Variants in ZNF264 observed in about 807,000 individuals in gnomAD.
The protein encoded by ZNF264 is zinc finger protein 264.
A neutral mutation model predicts 11.2 loss-of-function variants in ZNF264; 11 were observed. That is an observed-to-expected ratio of 0.98 (90% CI 0.62 to 1.63). The LOEUF (loss-of-function observed/expected upper bound fraction) is 1.63, where lower values mean the gene tolerates loss of function less well. ZNF264 is among the 40% of genes most tolerant of loss of function. The pLI is 0.00. For synonymous variants in ZNF264, 309 were observed against 279.8 expected, an observed-to-expected ratio of 1.10 and a Z score of -1.04; for missense variants, 752 against 768.1, an observed-to-expected ratio of 0.98 and a Z score of 0.25.
At position 57,212,379 on chromosome 19, in the gene ZNF264, G is replaced by A. The variant is rs374825848; in HGVS notation, c.1282G>A (p.Val428Met). The A allele has an allele frequency of 2.5e-5, 40 of 1,613,336 alleles. No homozygotes were observed. The highest frequency in any genetic ancestry group is 3.3e-5 in the Admixed American group (2 of 59,950). ...QRIHTGEKPF[V>M]CSECGKAFTH... is the part of the protein sequence containing the mutation. ...GATTCACACTGGGGAGAAGCCCTTC[G>A]TGTGCAGTGAATGTGGAAAGGCCTT... Residue 428 changes from valine (V) to methionine (M), a missense_variant, in exon 4 of 4, where the codon GTG becomes ATG. By Grantham distance (21) the Val-to-Met change is conservative. Transcript: ENST00000263095.
Position 57,215,356 on chromosome 19 carries a change from C to T in ZNF264, c.*2375C>T, listed in dbSNP as rs1408408973. The T allele has an allele frequency of 6.6e-6, 1 of 152,200 alleles. No homozygotes were observed. Among genetic ancestry groups the T allele is most frequent in the Non-Finnish European group, 1.5e-5 (1 of 68,034 alleles). The allele number at this position is 152,200 out of a possible 1,614,324, so 9.4% of individuals were successfully genotyped here. A position where few individuals can be genotyped will look rare whatever the true frequency, so the allele number is the denominator to read the frequency against. ...TCCCTTATTCTTTTGATAGCAGGAT[C>T]TGCACTTCTTTTTATTTTTAATATT... On this transcript the variant is annotated 3_prime_UTR_variant, in exon 4 of 4. Coordinates refer to ENST00000263095, the MANE Select transcript of ZNF264 (RefSeq NM_003417.5).
rs984765033 is a variant in ZNF264 at position 57,214,052 on chromosome 19, TATA to T, written c.*1075_*1077del. On this transcript the variant is annotated 3_prime_UTR_variant, in exon 4 of 4. Transcript: ENST00000263095. ...CACAATTTTTGGTAGTATACAGAAATATAATATTTTTGGACATTGTTTTGCTAC... is the reference window on the plus strand; with the variant it reads ...CACAATTTTTGGTAGTATACAGAAATATATTTTTGGACATTGTTTTGCTAC... The T allele has an allele frequency of 6.7e-4, 102 of 152,322 alleles. No homozygotes were observed. Among genetic ancestry groups the T allele is most frequent in the Admixed American group, 2.0e-3 (31 of 15,304 alleles). 9.4% of individuals were successfully genotyped at this position (152,322 alleles called of 1,614,324 possible).
rs1301640990 is a variant in ZNF264, at chr19:57,218,666, A to G, written c.*5685A>G. Reference sequence around the variant, plus strand: ...AGGCTCTCATCTTTTTTCTTTTTCCAGTCTATTTTCTGTCTTGTTAATATT... The same window carrying G: ...AGGCTCTCATCTTTTTTCTTTTTCCGGTCTATTTTCTGTCTTGTTAATATT... On this transcript the variant is annotated 3_prime_UTR_variant, in exon 4 of 4. Transcript: ENST00000263095. The G allele has an allele frequency of 6.6e-6, 1 of 151,510 alleles. No homozygotes were observed. The highest frequency in any genetic ancestry group is 2.4e-5 in the African/African-American group (1 of 41,186). The allele number at this position is 151,510 out of a possible 1,614,324, so 9.4% of individuals were successfully genotyped here.
intron 2 of ZNF264, among the ~76,000 whole-genome samples, chr19:57,195,473 C>T (rs2122734666): frequency 2.6e-5 from 4 of 152,328 alleles, no homozygotes; most frequent in Middle Eastern, 6.8e-3. Context: ...TTCACTTTGC[C>T]TTCAGCAAGC....
Position 57,221,296 on chromosome 19 carries a change from G to T in ZNF264, c.*8315G>T, listed in dbSNP as rs1353475620. On this transcript the variant is annotated 3_prime_UTR_variant, in exon 4 of 4. Coordinates refer to ENST00000263095, the MANE Select transcript of ZNF264 (RefSeq NM_003417.5). ...CACCTCCTGACTTCATGATCCACCCGCCTCGGCCTCCCAAAGTGCTGGGAT... is the reference window on the plus strand; with the variant it reads ...CACCTCCTGACTTCATGATCCACCCTCCTCGGCCTCCCAAAGTGCTGGGAT... The T allele has an allele frequency of 6.6e-6, 1 of 152,162 alleles. No individual in the cohort carries two copies. Among genetic ancestry groups the T allele is most frequent in the Non-Finnish European group, 1.5e-5 (1 of 68,100 alleles). The allele number at this position is 152,162 out of a possible 1,614,324, so 9.4% of individuals were successfully genotyped here. A position where few individuals can be genotyped will look rare whatever the true frequency, so the allele number is the denominator to read the frequency against.
At position 57,212,044 on chromosome 19, in the gene ZNF264, T is replaced by G. The variant is rs372540705; in HGVS notation, c.947T>G (p.Val316Gly). ...AGACACACTGGAGAAAAATCCTTTGTGTGCACAGAATGTGGCCAAGTCTTT... is the reference window on the plus strand; with the variant it reads ...AGACACACTGGAGAAAAATCCTTTGGGTGCACAGAATGTGGCCAAGTCTTT... ...NRRHTGEKSF[V>G]CTECGQVFRH... Residue 316 changes from valine to glycine, a missense_variant, in exon 4 of 4, where the codon GTG becomes GGG. Physicochemically the swap from Val to Gly is moderately radical, Grantham distance 109. Transcript: ENST00000263095. The G allele has an allele frequency of 1.1e-5, 18 of 1,613,552 alleles. No individual in the cohort carries two copies. The highest frequency in any genetic ancestry group is 1.4e-5 in the Non-Finnish European group (17 of 1,179,904).
At chr19:57,200,284 C>G (rs950887855) in intron 2 of ZNF264, among the ~76,000 whole-genome samples, 2 of 151,694 alleles carry the variant, frequency 1.3e-5, no homozygotes, top group Non-Finnish European at 2.9e-5. Context: ...GTGGGAGAAC[C>G]CTGATGAAGC....
Position 57,221,744 on chromosome 19 carries a change from G to A in ZNF264, c.*8763G>A, listed in dbSNP as rs1001732144. On this transcript the variant is annotated 3_prime_UTR_variant, in exon 4 of 4. Coordinates refer to ENST00000263095, the MANE Select transcript of ZNF264 (RefSeq NM_003417.5). ...TCTGGACTTCCAGAAGGTTAGCAGG[G>A]GTTCAGCTTTTCAGCTGAAAACGTT... The A allele has an allele frequency of 6.6e-6, 1 of 152,090 alleles. No homozygotes were observed. Among genetic ancestry groups the A allele is most frequent in the Non-Finnish European group, 1.5e-5 (1 of 68,024 alleles). 9.4% of individuals were successfully genotyped at this position (152,090 alleles called of 1,614,324 possible).
chr19:57,210,710 A>G (rs1338428942), intron 3 of ZNF264, among the ~76,000 whole-genome samples: 2 of 152,318 alleles, frequency 1.3e-5, no homozygotes, highest in Middle Eastern at 3.4e-3. Context: ...CATTTAAATT[A>G]TGACATAAGC....
In ZNF264 at chr19:57,191,941, G is replaced by T. The variant is rs751293245; in HGVS notation, c.28G>T (p.Ala10Ser). Residue 10 changes from alanine (A) to serine (S), a missense_variant, in exon 1 of 4, where the codon GCC becomes TCC. Ala to Ser is a moderately conservative substitution (Grantham distance 99, BLOSUM62 1). Transcript: ENST00000263095. ...GGCGGCAGCGGTGCTGACGGACCGG[G>T]CCCAGGTGAGTGGACGGTGGCTTCG... is the stretch of plus-strand genomic sequence containing the variant. MAAAVLTDR[A>S]QVSVTFDDVA... is the part of the protein sequence containing the mutation. 1.3e-6 allele frequency: 2 copies of T among 1,539,032 alleles called. No individual in the cohort carries two copies. Among genetic ancestry groups the T allele is most frequent in the Non-Finnish European group, 1.8e-6 (2 of 1,141,308 alleles).
Position 57,191,800 on chromosome 19 carries a change from G to A in ZNF264, c.-114G>A. The stretch of plus-strand genomic sequence containing the variant: ...ACGCCGTTGCCACCGAGGAGGCGGC[G>A]GCCCCGAGCGCGCCTGGAAGCCCCG... On this transcript the variant is annotated 5_prime_UTR_variant, in exon 1 of 4. Coordinates refer to ENST00000263095, the MANE Select transcript of ZNF264 (RefSeq NM_003417.5). 1.8e-5 allele frequency: 14 copies of A among 791,262 alleles called. No homozygotes were observed. Among genetic ancestry groups the A allele is most frequent in the Non-Finnish European group, 2.4e-5 (14 of 582,982 alleles). 49.0% of individuals were successfully genotyped at this position (791,262 alleles called of 1,614,324 possible).
At chr19:57,200,212 A>G (rs1002493659) in intron 2 of ZNF264, among the ~76,000 whole-genome samples, 1 of 151,774 alleles carries the variant, frequency 6.6e-6, no homozygotes. Context: ...CCAGGTGTCT[A>G]CTGTTAAAGT....
intron 2 of ZNF264, among the ~76,000 whole-genome samples, chr19:57,199,551 A>T (rs2087236138): frequency 6.6e-6 from 1 of 151,914 alleles, no homozygotes; most frequent in Non-Finnish European, 1.5e-5. Context: ...AGGCTGCAAC[A>T]TTAAATGCAG....
chr19:57,197,381 C>G (rs1417986886), intron 2 of ZNF264, among the ~76,000 whole-genome samples: 1 of 151,870 alleles, frequency 6.6e-6, no homozygotes, highest in Non-Finnish European at 1.5e-5. Context: ...AGGCCAAGAG[C>G]TGTCTCTCAA....
chr19:57,203,375 A>G (rs1422782821), intron 2 of ZNF264, among the ~76,000 whole-genome samples: 2 of 152,106 alleles, frequency 1.3e-5, no homozygotes, highest in Non-Finnish European at 2.9e-5. Context: ...CCTAGAAATT[A>G]CCTGTCCCTG....
At chr19:57,203,492 G>T (rs189018568) in intron 2 of ZNF264, among the ~76,000 whole-genome samples, 2 of 152,214 alleles carry the variant, frequency 1.3e-5, no homozygotes, top group East Asian at 3.9e-4. Context: ...AAACTTACTC[G>T]GTTTAGAAGA....
intron 3 of ZNF264, 34 bp from the exon 4 acceptor site, chr19:57,211,320 T>C: frequency 1.1e-5 from 17 of 1,546,526 alleles, no homozygotes; most frequent in Non-Finnish European, 1.4e-5. Flanking sequence ...TGTCCTTTAC[T>C]AACAGGCCCT....
chr19:57,191,864 G>A lies in ZNF264; in HGVS notation c.-50G>A. Reference sequence around the variant, plus strand: ...GGTCGGGCACAGGTGGGGTCCGTCAGGCCGCCCGGGGCTCCTCTGTCCCAG... The same window carrying A: ...GGTCGGGCACAGGTGGGGTCCGTCAAGCCGCCCGGGGCTCCTCTGTCCCAG... On this transcript the variant is annotated 5_prime_UTR_variant, in exon 1 of 4. Coordinates refer to ENST00000263095, the MANE Select transcript of ZNF264 (RefSeq NM_003417.5). The A allele has an allele frequency of 1.6e-6, 2 of 1,289,616 alleles. No individual in the cohort carries two copies. The highest frequency in any genetic ancestry group is 2.0e-6 in the Non-Finnish European group (2 of 1,017,200). The allele number at this position is 1,289,616 out of a possible 1,614,324, so 79.9% of individuals were successfully genotyped here. A position where few individuals can be genotyped will look rare whatever the true frequency, so the allele number is the denominator to read the frequency against.
rs13345715 is a variant in ZNF264 at position 57,220,075 on chromosome 19, G to A, written c.*7094G>A. Reference sequence around the variant, plus strand: ...GCAGAGCAGAATATAGATAGGCTCAGGTTAAGAATTTGCCCAAGGTTACAC... The same window carrying A: ...GCAGAGCAGAATATAGATAGGCTCAAGTTAAGAATTTGCCCAAGGTTACAC... On this transcript the variant is annotated 3_prime_UTR_variant, in exon 4 of 4. Transcript: ENST00000263095. The A allele has an allele frequency of 0.25, 38,744 of 152,200 alleles. 5,165 individuals carry two copies. The highest frequency in any genetic ancestry group is 0.32 in the South Asian group (1,526 of 4,820). The allele number at this position is 152,200 out of a possible 1,614,324, so 9.4% of individuals were successfully genotyped here.
Sources: gnomAD v4.1 joint callset for allele counts (sites outside exome capture counted in the v4.1 genomes callset) on GRCh38, gnomAD v4.1.1 for gene constraint, MANE v1.5 for transcripts, NCBI Gene and HGNC (gene_info 2026-07-23, HGNC 2026-07-21) for gene names.